Variants in BTBD7 observed in about 807,000 individuals in gnomAD.
BTBD7 encodes BTB domain containing 7.
A neutral mutation model predicts 99.9 loss-of-function variants in BTBD7; 38 were observed. The ratio of observed to expected loss-of-function variants is 0.38; its 90% confidence interval spans 0.29 to 0.50. BTBD7 has a LOEUF of 0.50. Ranked by LOEUF, BTBD7 falls within the 20% of genes least tolerant of loss-of-function variation. BTBD7 has a pLI of 0.93. For missense variants in BTBD7, 1,170 were observed against 1,394.6 expected, an observed-to-expected ratio of 0.84 and a Z score of 2.57; for synonymous variants, 520 against 511.4, an observed-to-expected ratio of 1.02 and a Z score of -0.23.
At chr14:93,287,546 T>C (rs1430463749) in intron 3 of BTBD7, 1 of 152,196 alleles carries the variant, frequency 6.6e-6, no homozygotes, top group Non-Finnish European at 1.5e-5. Context: ...CTTGGAAATA[T>C]TCATTTCTTC....
chr14:93,253,620 C>G, intron 7 of BTBD7, 27 bp downstream of exon 7: 1 of 1,594,508 alleles, frequency 6.3e-7, no homozygotes, highest in Non-Finnish European at 8.6e-7. Flanking sequence ...ATAAAGTAGT[C>G]TACTATCTTC....
intron 1 of BTBD7, among the ~76,000 whole-genome samples, chr14:93,300,704 T>TTTTGTG (rs2052985815): frequency 1.1e-5 from 1 of 87,054 alleles, no homozygotes. Flanking sequence ...CCCAGCTAAT[T>TTTTGTG]TGTGTGTGTG....
chr14:93,259,889 G>A (rs548614788), intron 5 of BTBD7, among the ~76,000 whole-genome samples: 3 of 152,150 alleles, frequency 2.0e-5, no homozygotes, highest in African/African-American at 2.4e-5. Context: ...AGCTGAGATC[G>A]CGCCACTGTA....
chr14:93,251,326 T>C, intron 8 of BTBD7, 137 bp downstream of exon 8: 1 of 960,762 alleles, frequency 1.0e-6, no homozygotes. Flanking sequence ...AAAGTGTTTA[T>C]TCTTTAAGGA....
Position 93,280,556 on chromosome 14 carries a change from T to TTA in BTBD7, c.1162+13301_1162+13302insTA, listed in dbSNP as rs200281247. Among the ~76,000 whole-genome samples the TTA allele has an allele frequency of 5.8e-3, 889 of 152,310 alleles. 12 individuals are homozygous for TTA. The highest frequency in any genetic ancestry group is 0.051 in the Middle Eastern group (15 of 294). ...GACATGTATAACATTTATCAGAAGT[T>TTA]TTATAAACATAAACATGCCAATACC... On this transcript the variant is annotated intron_variant, in intron 3 of 10. Coordinates refer to ENST00000334746, the MANE Select transcript of BTBD7 (RefSeq NM_001002860.4).
In BTBD7 at chr14:93,332,881, G is replaced by A. The variant is rs1458657414; in HGVS notation, c.-168C>T. The A allele has an allele frequency of 3.4e-6, 5 of 1,450,960 alleles. No individual in the cohort carries two copies. The highest frequency in any genetic ancestry group is 1.5e-5 in the African/African-American group (1 of 67,678). 89.9% of individuals were successfully genotyped at this position (1,450,960 alleles called of 1,614,324 possible). On this transcript the variant is annotated 5_prime_UTR_variant, in exon 1 of 11. Transcript: ENST00000334746. The stretch of plus-strand genomic sequence containing the variant: ...GACCGCTGCCGTCGCCTCCGCCGCC[G>A]CCGCCACCAGCACCGCCGTCCGCAC...
Position 93,302,401 on chromosome 14 carries a change from A to G in BTBD7, c.-106-6244T>C, listed in dbSNP as rs143935410. On this transcript the variant is annotated intron_variant, in intron 1 of 10. Transcript: ENST00000334746. ...CATTTTAATATGATGTATTATTCAAACCAAGAAGCTTGAGAGTGAAAAGGG... is the reference window on the plus strand; with the variant it reads ...CATTTTAATATGATGTATTATTCAAGCCAAGAAGCTTGAGAGTGAAAAGGG... Among the ~76,000 whole-genome samples the G allele has an allele frequency of 4.7e-3, 720 of 152,286 alleles. 4 individuals are homozygous for G. The highest frequency in any genetic ancestry group is 0.016 in the African/African-American group (675 of 41,548).
chr14:93,264,087 C>T (rs1383810315), intron 3 of BTBD7, 94 bp from the exon 4 acceptor site: 2 of 1,077,288 alleles, frequency 1.9e-6, no homozygotes, highest in African/African-American at 1.6e-5. Context: ...GTCACAATAG[C>T]AAAAAAGAAC....
rs138244082 is a variant in BTBD7 at position 93,242,629 on chromosome 14, C to T, written c.3043G>A (p.Gly1015Arg). The T allele has an allele frequency of 1.7e-5, 27 of 1,613,874 alleles. No individual in the cohort carries two copies. Among genetic ancestry groups the T allele is most frequent in the South Asian group, 9.9e-5 (9 of 91,070 alleles). The change falls in exon 11 of 11, where the codon GGG (glycine) becomes AGG (arginine). Residue 1015 changes from glycine (G) to arginine (R), a missense_variant. Gly to Arg is a moderately radical substitution (Grantham distance 125). Coordinates refer to ENST00000334746, the MANE Select transcript of BTBD7 (RefSeq NM_001002860.4). ...TCATTCTTTTGTCTGTGTAGATGCC[C>T]GTCAGGGGAAAGTGGATATTCTCTC... Reference protein sequence around the residue: ...ARREYPLSPDGHLHRQKNEPI... With the variant: ...ARREYPLSPDRHLHRQKNEPI...
Position 93,263,857 on chromosome 14 carries a change from G to A in BTBD7, c.1299C>T (p.Val433=), listed in dbSNP as rs755646516. ...LHFLCEEFSQ[V]MTSDVFYELS... is the part of the protein sequence containing the mutation. ...GTTCATAAAAAACATCCGAAGTCAT[G>A]ACCTGGGAAAATTCCTCACAGAGGA... Residue 433 remains valine (V), a synonymous_variant, in exon 4 of 11, where the codon GTC becomes GTT. Coordinates refer to ENST00000334746, the MANE Select transcript of BTBD7 (RefSeq NM_001002860.4). The A allele has an allele frequency of 1.9e-6, 3 of 1,614,166 alleles. No homozygotes were observed. In the South Asian group the frequency reaches 3.3e-5, roughly 18 times the overall value.
intron 5 of BTBD7, among the ~76,000 whole-genome samples, chr14:93,258,985 T>C (rs2052460278): frequency 6.6e-6 from 1 of 152,236 alleles, no homozygotes; most frequent in Admixed American, 6.5e-5. Context: ...TTTACATCAC[T>C]GAACAAGCTT....
At chr14:93,265,446 C>G (rs2052531072) in intron 3 of BTBD7, among the ~76,000 whole-genome samples, 1 of 152,238 alleles carries the variant, frequency 6.6e-6, no homozygotes, top group Non-Finnish European at 1.5e-5. Flanking sequence ...ATTCCTAGCA[C>G]CTTCTCGCAC....
chr14:93,303,533 G>A (rs886924762), intron 1 of BTBD7, among the ~76,000 whole-genome samples: 2 of 152,182 alleles, frequency 1.3e-5, no homozygotes, highest in African/African-American at 4.8e-5. Context: ...AATGTCTTTT[G>A]AGGGACTTGG....
intron 3 of BTBD7, among the ~76,000 whole-genome samples, chr14:93,267,352 G>A (rs1040332675): frequency 6.6e-6 from 1 of 152,192 alleles, no homozygotes; most frequent in Admixed American, 6.5e-5. Context: ...CACTCTTTAA[G>A]AGTCTGAAAT....
At chr14:93,319,655 G>A (rs577640851) in intron 1 of BTBD7, among the ~76,000 whole-genome samples, 5 of 152,238 alleles carry the variant, frequency 3.3e-5, no homozygotes, top group African/African-American at 1.2e-4. Flanking sequence ...GGGCTGGGGG[G>A]AAATGCAGAC....
At chr14:93,260,854 A>G (rs891612711) in intron 5 of BTBD7, among the ~76,000 whole-genome samples, 2 of 151,990 alleles carry the variant, frequency 1.3e-5, no homozygotes, top group African/African-American at 4.8e-5. Context: ...CACCCAGCCT[A>G]CTTTCTACAA....
At chr14:93,327,414 T>C (rs2053346085) in intron 1 of BTBD7, among the ~76,000 whole-genome samples, 1 of 152,178 alleles carries the variant, frequency 6.6e-6, no homozygotes, top group South Asian at 2.1e-4. Context: ...ACTAAATAAC[T>C]ATAGTATTAT....
At chr14:93,262,800 A>G (rs116409303) in intron 4 of BTBD7, among the ~76,000 whole-genome samples, 2,620 of 149,674 alleles carry the variant, frequency 0.018, 79 homozygotes, top group African/African-American at 0.062. Flanking sequence ...TTTTTTTAAT[A>G]CTTTCTAAGA....
chr14:93,299,118 G>A (rs2052963552), intron 1 of BTBD7, among the ~76,000 whole-genome samples: 1 of 152,188 alleles, frequency 6.6e-6, no homozygotes, highest in Non-Finnish European at 1.5e-5. Context: ...GGAGGTGGGG[G>A]AGGCAGATTT....
Sources: allele counts gnomAD v4.1 joint callset (sites outside exome capture counted in the v4.1 genomes callset), GRCh38; gene constraint gnomAD v4.1.1; transcripts MANE v1.5; gene names NCBI Gene and HGNC (gene_info 2026-07-23, HGNC 2026-07-21).